DOK6: variants seen among roughly 807,000 people sequenced by gnomAD.
The protein encoded by DOK6 is downstream of tyrosine kinase 6.
A neutral mutation model predicts 44.0 loss-of-function variants in DOK6; 22 were observed. The observed-to-expected ratio is 0.50, with a 90% CI of 0.36 to 0.71. DOK6 has a LOEUF of 0.71. Ranked by LOEUF, DOK6 falls within the 30% of genes least tolerant of loss-of-function variation. The probability of loss-of-function intolerance (pLI) is 0.00; values close to 1 mark genes in which losing one functional copy is unlikely to be tolerated. For missense variants in DOK6, 340 were observed against 416.4 expected (o/e 0.82, Z 1.60); for synonymous variants, 166 against 145.5 (o/e 1.14, Z -1.01).
intron 2 of DOK6, among the ~76,000 whole-genome samples, chr18:69,573,279 C>T (rs1215456703): frequency 6.6e-6 from 1 of 151,734 alleles, no homozygotes; most frequent in Non-Finnish European, 1.5e-5. Context: ...AGCGGCAAAA[C>T]AGCATGAAGA....
chr18:69,717,990 A>T, intron 5 of DOK6, among the ~76,000 whole-genome samples: 1 of 152,204 alleles, frequency 6.6e-6, no homozygotes, highest in East Asian at 1.9e-4. Flanking sequence ...TTTTCTAAGT[A>T]TGTTCCTTTA....
intron 7 of DOK6, among the ~76,000 whole-genome samples, chr18:69,760,508 A>C (rs1305560068): frequency 1.3e-5 from 2 of 152,050 alleles, no homozygotes; most frequent in Non-Finnish European, 2.9e-5. Context: ...AGGCGCCTTG[A>C]GAAACCAAGA....
At chr18:69,566,864 G>C (rs140944549) in intron 2 of DOK6, among the ~76,000 whole-genome samples, 216 of 152,304 alleles carry the variant, frequency 1.4e-3, no homozygotes, top group African/African-American at 5.0e-3. Flanking sequence ...CAAATGAAGA[G>C]AAAGGGTCAT....
intron 3 of DOK6, among the ~76,000 whole-genome samples, chr18:69,616,949 T>C (rs189324716): frequency 1.8e-4 from 27 of 152,352 alleles, no homozygotes; most frequent in Non-Finnish European, 1.2e-4. Context: ...AGCAATCTCT[T>C]AATAAGCTAA....
chr18:69,646,684 TC>T (rs2144658806), intron 3 of DOK6, among the ~76,000 whole-genome samples: 1 of 152,272 alleles, frequency 6.6e-6, no homozygotes, highest in East Asian at 1.9e-4. Flanking sequence ...ACCACTTGCT[TC>T]CTTTTCCTTT....
At chr18:69,520,267 T>C (rs571197693) in intron 1 of DOK6, among the ~76,000 whole-genome samples, 1 of 145,750 alleles carries the variant, frequency 6.9e-6, no homozygotes, top group South Asian at 2.1e-4. Flanking sequence ...ACAATTTCTA[T>C]TAGACCTAGT....
At chr18:69,744,924 C>T (rs1278284360) in intron 6 of DOK6, among the ~76,000 whole-genome samples, 1 of 47,822 alleles carries the variant, frequency 2.1e-5, no homozygotes, top group Non-Finnish European at 5.3e-5. Flanking sequence ...AACACTCCAT[C>T]TAAAAAAAAA....
intron 7 of DOK6, among the ~76,000 whole-genome samples, chr18:69,790,741 G>T (rs1304595705): frequency 6.6e-6 from 1 of 151,930 alleles, no homozygotes; most frequent in Non-Finnish European, 1.5e-5. Flanking sequence ...CACATCAGGG[G>T]AGTATTTATC....
intron 1 of DOK6, among the ~76,000 whole-genome samples, chr18:69,436,171 A>ATT (rs10657543): frequency 1.3e-3 from 191 of 145,168 alleles, no homozygotes; most frequent in East Asian, 1.8e-3. Flanking sequence ...AATTATCTGG[A>ATT]TTTTTTTTTT....
chr18:69,507,236 C>T (rs188433067), intron 1 of DOK6, among the ~76,000 whole-genome samples: 5 of 152,136 alleles, frequency 3.3e-5, no homozygotes, highest in East Asian at 3.9e-4. Flanking sequence ...ACCGTGTTAG[C>T]CAGAATGGTC....
chr18:69,410,696 C>T (rs1287571607), intron 1 of DOK6, among the ~76,000 whole-genome samples: 1 of 152,132 alleles, frequency 6.6e-6, no homozygotes, highest in East Asian at 1.9e-4. Context: ...CTTCTACCAG[C>T]AATGTGGATG....
intron 5 of DOK6, among the ~76,000 whole-genome samples, chr18:69,708,206 A>G (rs1422820379): frequency 1.3e-5 from 2 of 152,140 alleles, no homozygotes; most frequent in African/African-American, 4.8e-5. Flanking sequence ...AGATATGTCT[A>G]TCTGGTGACT....
At position 69,542,267 on chromosome 18, in the gene DOK6, G is replaced by A. The variant is rs544110498; in HGVS notation, c.67-22220G>A. On this transcript the variant is annotated intron_variant, in intron 1 of 7. Coordinates refer to ENST00000382713, the MANE Select transcript of DOK6 (RefSeq NM_152721.6). ...ATTATGCCAAACTTTAAGCTACTTC[G>A]CTTTTCTGCCTGACCGACCCATTTT... Among the ~76,000 whole-genome samples the A allele has an allele frequency of 6.7e-5, 10 of 148,180 alleles. 1 individual carries two copies. The highest frequency in any genetic ancestry group is 3.6e-3 in the Middle Eastern group (1 of 274).
intron 1 of DOK6, among the ~76,000 whole-genome samples, chr18:69,446,737 G>C (rs1412219509): frequency 5.3e-5 from 8 of 152,106 alleles, no homozygotes; most frequent in Non-Finnish European, 7.4e-5. Flanking sequence ...TGACTTTTTA[G>C]TGATCACCAT....
Position 69,842,806 on chromosome 18 carries a change from T to C in DOK6, c.*1423T>C, listed in dbSNP as rs1982260684. ...AAATTATCCTGCCTGAATCATCTGA[T>C]GCTTTGTGCCTAAGATGGTTATCTC... is the stretch of plus-strand genomic sequence containing the variant. On this transcript the variant is annotated 3_prime_UTR_variant, in exon 8 of 8. Coordinates refer to ENST00000382713, the MANE Select transcript of DOK6 (RefSeq NM_152721.6). The C allele has an allele frequency of 6.6e-6, 1 of 152,216 alleles. No individual in the cohort carries two copies. Among genetic ancestry groups the C allele is most frequent in the Non-Finnish European group, 1.5e-5 (1 of 68,042 alleles). The allele number at this position is 152,216 out of a possible 1,614,324, so 9.4% of individuals were successfully genotyped here. A position where few individuals can be genotyped will look rare whatever the true frequency, so the allele number is the denominator to read the frequency against.
chr18:69,724,608 G>A (rs1978297058), intron 5 of DOK6, among the ~76,000 whole-genome samples: 1 of 152,096 alleles, frequency 6.6e-6, no homozygotes, highest in Admixed American at 6.5e-5. Context: ...TATAATAGTT[G>A]GTGCTGGGTT....
intron 7 of DOK6, among the ~76,000 whole-genome samples, chr18:69,795,989 A>G (rs1296238251): frequency 6.6e-6 from 1 of 152,192 alleles, no homozygotes; most frequent in African/African-American, 2.4e-5. Flanking sequence ...GGCACTTTCT[A>G]GAAGAATGAG....
chr18:69,699,328 G>A (rs1347701295), intron 5 of DOK6, among the ~76,000 whole-genome samples: 3 of 152,140 alleles, frequency 2.0e-5, no homozygotes, highest in Non-Finnish European at 4.4e-5. Flanking sequence ...GGCAATTATA[G>A]TGAAGTTTTA....
chr18:69,508,737 A>AT (rs149250839), intron 1 of DOK6, among the ~76,000 whole-genome samples: 1,709 of 152,206 alleles, frequency 0.011, 82 homozygotes, highest in East Asian at 0.11. Context: ...TAGCAGAGAT[A>AT]TTTTTTCTTT....
Sources: gnomAD v4.1 joint callset for allele counts (sites outside exome capture counted in the v4.1 genomes callset) on GRCh38, gnomAD v4.1.1 for gene constraint, MANE v1.5 for transcripts, NCBI Gene and HGNC (gene_info 2026-07-23, HGNC 2026-07-21) for gene names.